ABCD3: variants seen among roughly 807,000 people sequenced by gnomAD.
ABCD3 encodes the protein ATP-binding cassette sub-family D member 3.
In ABCD3, 41 loss-of-function variants were observed where a neutral mutation model predicts 105.5. The observed-to-expected ratio is 0.39, with a 90% CI of 0.30 to 0.50. The LOEUF is 0.50. ABCD3 is among the 20% of genes least tolerant of loss of function. ABCD3 has a pLI of 0.84. For missense variants in ABCD3, 622 were observed against 806.3 expected (o/e 0.77, Z 2.77); for synonymous variants, 258 against 269.0 (o/e 0.96, Z 0.40).
chr1:94,444,945 C>A (rs903696749), intron 1 of ABCD3, among the ~76,000 whole-genome samples: 2 of 152,176 alleles, frequency 1.3e-5, no homozygotes, highest in African/African-American at 4.8e-5. Context: ...CCTGGCCCAC[C>A]CAGGTTGGAA....
intron 5 of ABCD3, 48 bp downstream of exon 5, chr1:94,473,883 T>G (rs1423239430): frequency 6.9e-7 from 1 of 1,453,072 alleles, no homozygotes; most frequent in African/African-American, 1.4e-5. Flanking sequence ...AATTTGCATC[T>G]TATTAAAATC....
intron 21 of ABCD3, 131 bp downstream of exon 21, chr1:94,506,773 A>G (rs1297485608): frequency 1.6e-6 from 1 of 645,026 alleles, no homozygotes; most frequent in Non-Finnish European, 2.8e-6. Flanking sequence ...TCTTGTTTTA[A>G]TAAAGATTTA....
At chr1:94,418,675 C>G in intron 1 of ABCD3, 87 bp downstream of exon 1, 1 of 1,397,266 alleles carries the variant, frequency 7.2e-7, no homozygotes, top group Non-Finnish European at 9.8e-7. Flanking sequence ...CGACAGGTCT[C>G]TTTGCCCGAC....
chr1:94,518,143 CTG>C lies in ABCD3; in HGVS notation c.*1017_*1018del. 1.3e-5 allele frequency: 2 copies of C among 152,260 alleles called. No individual in the cohort carries two copies. Among genetic ancestry groups the C allele is most frequent in the Middle Eastern group, 6.8e-3 (2 of 294 alleles). The allele number at this position is 152,260 out of a possible 1,614,324, so 9.4% of individuals were successfully genotyped here. ...ATGTTTCCGAGGCACTGTTTTATCTCTGTGAATCTTGAATAACTTTTTTATAT... is the reference window on the plus strand; with the variant it reads ...ATGTTTCCGAGGCACTGTTTTATCTCTGAATCTTGAATAACTTTTTTATAT... On this transcript the variant is annotated 3_prime_UTR_variant, in exon 23 of 23. Transcript: ENST00000370214.
chr1:94,413,289 A>AT, the ABCD3 span, among the ~76,000 whole-genome samples: 16 of 150,602 alleles, frequency 1.1e-4, no homozygotes, highest in African/African-American at 2.4e-4. Context: ...TATGTATTCA[A>AT]TTTTTTTTTC....
chr1:94,478,084 C>A (rs1341090349), intron 7 of ABCD3, among the ~76,000 whole-genome samples, 175 bp from the exon 8 acceptor site: 1 of 152,110 alleles, frequency 6.6e-6, no homozygotes, highest in Non-Finnish European at 1.5e-5. Context: ...AAACTGTTAT[C>A]TTTCATGTAT....
intron 16 of ABCD3, among the ~76,000 whole-genome samples, chr1:94,498,388 T>G (rs965923260): frequency 6.6e-6 from 1 of 151,744 alleles, no homozygotes; most frequent in Non-Finnish European, 1.5e-5. Context: ...ATTTTTTAAG[T>G]GAAAAAAAAG....
intron 10 of ABCD3, among the ~76,000 whole-genome samples, chr1:94,486,770 T>G (rs542842845): frequency 1.1e-4 from 17 of 152,318 alleles, no homozygotes; most frequent in African/African-American, 4.1e-4. Context: ...TATAGATACC[T>G]TAGAAGAATG....
chr1:94,456,800 T>C (rs1036216467), intron 1 of ABCD3, among the ~76,000 whole-genome samples: 3 of 152,172 alleles, frequency 2.0e-5, no homozygotes, highest in Non-Finnish European at 4.4e-5. Flanking sequence ...GTAGTTATGT[T>C]TTAATTTTTT....
At chr1:94,395,814 AGTGT>A in the ABCD3 span, among the ~76,000 whole-genome samples, 2 of 151,338 alleles carry the variant, frequency 1.3e-5, no homozygotes, top group South Asian at 2.1e-4. Context: ...AGTGTGAGTG[AGTGT>A]GTGTGTGTGT....
chr1:94,517,053 A>G lies in ABCD3; in HGVS notation c.1904A>G (p.Tyr635Cys), dbSNP rs1650952014. Residue 635 changes from tyrosine (Y) to cysteine (C), a missense_variant and splice_region_variant, in exon 23 of 23, where the codon TAC becomes TGC. Physicochemically the swap from Tyr to Cys is radical, Grantham distance 194. Coordinates refer to ENST00000370214, the MANE Select transcript of ABCD3 (RefSeq NM_002858.4). ...HRKSLWKHHE[Y>C]YLHMDGRGNY... is the part of the protein sequence containing the mutation. ...TTTTTTCCCCCTTCTTTCCCATAGT[A>G]CTACCTGCATATGGATGGCAGAGGC... 6.2e-7 allele frequency: 1 copy of G among 1,606,626 alleles called. No individual in the cohort carries two copies.
At chr1:94,458,956 C>G (rs530846323) in intron 2 of ABCD3, among the ~76,000 whole-genome samples, 1 of 140,832 alleles carries the variant, frequency 7.1e-6, no homozygotes, top group East Asian at 2.2e-4. Context: ...TTCCCCTCCC[C>G]GCTTCCCTCC....
chr1:94,392,418 T>C, the ABCD3 span, among the ~76,000 whole-genome samples: 1 of 152,200 alleles, frequency 6.6e-6, no homozygotes, highest in African/African-American at 2.4e-5. Context: ...CAAGAAATTA[T>C]GTGTGTTGTG....
chr1:94,444,609 T>TCATAA (rs1660276882), intron 1 of ABCD3, among the ~76,000 whole-genome samples: 1 of 152,252 alleles, frequency 6.6e-6, no homozygotes, highest in Non-Finnish European at 1.5e-5. Context: ...CTTTTCATTT[T>TCATAA]GTAAGTCTGT....
the ABCD3 span, chr1:94,406,510 CT>C: frequency 1.0e-5 from 4 of 394,516 alleles, no homozygotes; most frequent in South Asian, 2.1e-5. Flanking sequence ...ATCCAGGTAC[CT>C]TTCTCTTTGG....
chr1:94,484,646 GC>G (rs1557682180), intron 10 of ABCD3, among the ~76,000 whole-genome samples: 1 of 152,160 alleles, frequency 6.6e-6, no homozygotes, highest in East Asian at 1.9e-4. Context: ...TGGGGTGGGG[GC>G]CTGGGGGAGG....
the ABCD3 span, among the ~76,000 whole-genome samples, chr1:94,394,744 T>A: frequency 6.6e-6 from 1 of 152,316 alleles, no homozygotes; most frequent in African/African-American, 2.4e-5. Flanking sequence ...CCTATCGATG[T>A]TGTAACTTAG....
chr1:94,464,244 G>A (rs966384030), intron 2 of ABCD3, among the ~76,000 whole-genome samples: 1 of 152,062 alleles, frequency 6.6e-6, no homozygotes, highest in Non-Finnish European at 1.5e-5. Flanking sequence ...TTGACAGACT[G>A]TATATTGGAA....
At chr1:94,470,493 C>A (rs957728342) in intron 4 of ABCD3, among the ~76,000 whole-genome samples, 8 of 152,106 alleles carry the variant, frequency 5.3e-5, no homozygotes, top group Admixed American at 4.6e-4. Context: ...CCCTCAATCT[C>A]CCCCTCAATC....
Sources: allele counts gnomAD v4.1 joint callset (sites outside exome capture counted in the v4.1 genomes callset), GRCh38; gene constraint gnomAD v4.1.1; transcripts MANE v1.5; gene names NCBI Gene and HGNC (gene_info 2026-07-23, HGNC 2026-07-21).